The following GPC5 variants were observed in gnomAD, a reference collection of about 807,000 sequenced individuals.
GPC5 encodes the protein glypican-5.
In GPC5, 47 loss-of-function variants were observed where a neutral mutation model predicts 53.9. That is an observed-to-expected ratio of 0.87 (90% CI 0.69 to 1.11). The LOEUF (loss-of-function observed/expected upper bound fraction) is 1.11, where lower values mean the gene tolerates loss of function less well. GPC5 is among the 50% of genes most tolerant of loss of function. The pLI, the probability that GPC5 is intolerant of heterozygous loss-of-function variation, is 0.00. For synonymous variants in GPC5, 286 were observed against 263.3 expected (o/e 1.09, Z -0.84); for missense variants, 748 against 713.1 (o/e 1.05, Z -0.56).
chr13:92,518,981 A>T (rs1456128225), intron 7 of GPC5, among the ~76,000 whole-genome samples: 1 of 152,218 alleles, frequency 6.6e-6, no homozygotes, highest in Non-Finnish European at 1.5e-5. Context: ...TTGCAATCCT[A>T]GTCTCTGATA....
chr13:91,935,448 G>A (rs926740906), intron 6 of GPC5, among the ~76,000 whole-genome samples: 1 of 152,144 alleles, frequency 6.6e-6, no homozygotes, highest in Admixed American at 6.6e-5. Flanking sequence ...GGACACAGCA[G>A]TAAAGCATTG....
chr13:92,579,274 CCTCT>C (rs1161169576), intron 7 of GPC5, among the ~76,000 whole-genome samples: 321 of 15,980 alleles, frequency 0.02, 6 homozygotes, highest in African/African-American at 0.036. Context: ...TCCCTCCCTC[CCTCT>C]CTCTCTCTCT....
intron 7 of GPC5, among the ~76,000 whole-genome samples, chr13:92,301,918 T>A (rs58969742): frequency 0.19 from 28,187 of 151,510 alleles, 2,785 homozygotes; most frequent in South Asian, 0.34. Flanking sequence ...ATAAATTAAT[T>A]AATTAATTAA....
intron 7 of GPC5, among the ~76,000 whole-genome samples, chr13:92,821,267 A>G (rs929133323): frequency 1.3e-5 from 2 of 152,206 alleles, no homozygotes; most frequent in African/African-American, 4.8e-5. Context: ...CATTTGTTAA[A>G]GATTTCTAGG....
chr13:91,870,974 G>C (rs1190908378), intron 5 of GPC5, among the ~76,000 whole-genome samples: 1 of 152,162 alleles, frequency 6.6e-6, no homozygotes, highest in Non-Finnish European at 1.5e-5. Flanking sequence ...TTGGGGATGG[G>C]ACCCAAGTCT....
intron 5 of GPC5, among the ~76,000 whole-genome samples, chr13:91,869,654 A>C (rs1033536416): frequency 3.3e-5 from 5 of 152,176 alleles, no homozygotes; most frequent in African/African-American, 1.2e-4. Context: ...ATAATGTATT[A>C]GACCGTTCTC....
chr13:92,038,260 G>A (rs145276136), intron 6 of GPC5, among the ~76,000 whole-genome samples: 108 of 151,742 alleles, frequency 7.1e-4, no homozygotes, highest in Non-Finnish European at 1.1e-3. Flanking sequence ...ATCAGAGATC[G>A]GTACTAAAGT....
At chr13:91,940,240 T>C (rs2039912760) in intron 6 of GPC5, among the ~76,000 whole-genome samples, 1 of 152,140 alleles carries the variant, frequency 6.6e-6, no homozygotes, top group Non-Finnish European at 1.5e-5. Flanking sequence ...TGAGAACATG[T>C]GGTATTTGGT....
chr13:92,789,002 G>A (rs867384448), intron 7 of GPC5, among the ~76,000 whole-genome samples: 2 of 152,218 alleles, frequency 1.3e-5, no homozygotes, highest in Middle Eastern at 3.4e-3. Context: ...CTCAGTGTAT[G>A]GCACACCTCT....
At position 91,693,739 on chromosome 13, in the gene GPC5, A is replaced by C; in HGVS notation, c.878A>C (p.His293Pro). 6.2e-7 allele frequency: 1 copy of C among 1,614,178 alleles called. No homozygotes were observed. The highest frequency in any genetic ancestry group is 1.1e-5 in the South Asian group (1 of 91,084). The change falls in exon 3 of 8, where the codon CAT becomes CCT. Residue 293 changes from histidine to proline, a missense_variant. By Grantham distance (77) the His-to-Pro change is moderately conservative (BLOSUM62 -2). Transcript: ENST00000377067. ...AHMAELNPHW[H>P]AYIRSLEELS... Reference sequence around the variant, plus strand: ...ATGGCGGAGCTTAATCCACACTGGCATGCATATATCCGGTCGTTGGAAGAA... The same window carrying C: ...ATGGCGGAGCTTAATCCACACTGGCCTGCATATATCCGGTCGTTGGAAGAA...
intron 2 of GPC5, among the ~76,000 whole-genome samples, chr13:91,610,412 A>G (rs959467661): frequency 6.6e-6 from 1 of 152,102 alleles, no homozygotes; most frequent in African/African-American, 2.4e-5. Flanking sequence ...CATTCCTTAA[A>G]TGTCAGGTTC....
chr13:91,505,437 A>C (rs1884888710), intron 2 of GPC5, among the ~76,000 whole-genome samples: 1 of 152,204 alleles, frequency 6.6e-6, no homozygotes, highest in Non-Finnish European at 1.5e-5. Flanking sequence ...GCTCTTCCCC[A>C]AAATTTCTGT....
chr13:92,646,555 G>T (rs1885776394), intron 7 of GPC5, among the ~76,000 whole-genome samples: 1 of 152,030 alleles, frequency 6.6e-6, no homozygotes, highest in Non-Finnish European at 1.5e-5. Context: ...AAAAATACCT[G>T]ATGGGATTTT....
chr13:91,435,203 G>T (rs972155743), intron 1 of GPC5, among the ~76,000 whole-genome samples: 1 of 152,136 alleles, frequency 6.6e-6, no homozygotes, highest in Non-Finnish European at 1.5e-5. Flanking sequence ...TGATTGCCCT[G>T]GCCAGAACTT....
At chr13:91,913,752 TCA>T (rs1219084462) in intron 6 of GPC5, among the ~76,000 whole-genome samples, 1 of 152,194 alleles carries the variant, frequency 6.6e-6, no homozygotes, top group Non-Finnish European at 1.5e-5. Context: ...GTGCAAATTC[TCA>T]GAGTTGCTTT....
At chr13:92,521,478 C>A (rs1162429819) in intron 7 of GPC5, among the ~76,000 whole-genome samples, 1 of 152,164 alleles carries the variant, frequency 6.6e-6, no homozygotes, top group African/African-American at 2.4e-5. Context: ...TACCACACAT[C>A]TACAACCATC....
intron 7 of GPC5, among the ~76,000 whole-genome samples, chr13:92,432,660 C>T (rs1877145406): frequency 6.6e-6 from 1 of 151,864 alleles, no homozygotes; most frequent in South Asian, 2.1e-4. Flanking sequence ...AAGGTGTGAG[C>T]CATGACGCCT....
intron 1 of GPC5, among the ~76,000 whole-genome samples, chr13:91,441,940 T>TA (rs1333771443): frequency 6.6e-5 from 10 of 152,312 alleles, no homozygotes; most frequent in African/African-American, 1.9e-4. Context: ...AATGTATTGG[T>TA]ACCAAAGACT....
rs529689360 is a variant in GPC5 at position 92,392,614 on chromosome 13, A to G, written c.1561+247625A>G. Among the ~76,000 whole-genome samples the G allele has an allele frequency of 5.3e-5, 8 of 152,262 alleles. 1 individual carries two copies. The highest frequency in any genetic ancestry group is 1.9e-4 in the African/African-American group (8 of 41,568). On this transcript the variant is annotated intron_variant, in intron 7 of 7. Coordinates refer to ENST00000377067, the MANE Select transcript of GPC5 (RefSeq NM_004466.6). ...AAGAAACTATGAACAGAGTAAACAGACAACCTACAGAATAGGAGAAAATAT... is the reference window on the plus strand; with the variant it reads ...AAGAAACTATGAACAGAGTAAACAGGCAACCTACAGAATAGGAGAAAATAT...
Sources: allele counts gnomAD v4.1 joint callset (sites outside exome capture counted in the v4.1 genomes callset), GRCh38; gene constraint gnomAD v4.1.1; transcripts MANE v1.5; gene names NCBI Gene and HGNC (gene_info 2026-07-23, HGNC 2026-07-21).